Variants in SHISA9 observed in about 807,000 individuals in gnomAD.
SHISA9 encodes shisa family member 9.
Under a neutral mutation model 38.0 loss-of-function variants are expected in SHISA9, and 13 were observed. That is an observed-to-expected ratio of 0.34 (90% CI 0.22 to 0.54). SHISA9 has a LOEUF of 0.54. SHISA9 is among the 20% of genes least tolerant of loss of function. The pLI is 0.91. For synonymous variants in SHISA9, 275 were observed against 242.0 expected (o/e 1.14, Z -1.27); for missense variants, 538 against 575.8 (o/e 0.93, Z 0.67).
chr16:13,029,277 C>T (rs2072962491), intron 2 of SHISA9, among the ~76,000 whole-genome samples: 1 of 152,182 alleles, frequency 6.6e-6, no homozygotes, highest in Non-Finnish European at 1.5e-5. Flanking sequence ...AAATGTGGTA[C>T]ACATACACAA....
chr16:13,515,484 G>T, the SHISA9 span, among the ~76,000 whole-genome samples: 1 of 151,882 alleles, frequency 6.6e-6, no homozygotes, highest in Non-Finnish European at 1.5e-5. Context: ...CTGTTATGTG[G>T]GTACCATTAT....
At chr16:13,041,305 C>G (rs16961007) in intron 2 of SHISA9, among the ~76,000 whole-genome samples, 16,375 of 152,192 alleles carry the variant, frequency 0.11, 1,882 homozygotes, top group African/African-American at 0.28. Context: ...GCCTTGGGCT[C>G]TAGTTTTCAT....
chr16:13,226,283 T>C (rs2051278649), intron 4 of SHISA9, among the ~76,000 whole-genome samples: 1 of 152,190 alleles, frequency 6.6e-6, no homozygotes, highest in African/African-American at 2.4e-5. Context: ...AACCACCTCC[T>C]TGTTGTTGAA....
intron 3 of SHISA9, among the ~76,000 whole-genome samples, chr16:13,211,592 G>A (rs1260820386): frequency 1.3e-5 from 2 of 152,086 alleles, no homozygotes; most frequent in Non-Finnish European, 2.9e-5. Context: ...CACCCTCAAA[G>A]TATTTTTCTA....
chr16:13,440,945 T>C, the SHISA9 span, among the ~76,000 whole-genome samples: 1 of 151,382 alleles, frequency 6.6e-6, no homozygotes, highest in Non-Finnish European at 1.5e-5. Flanking sequence ...AAAAAAGTCA[T>C]TGATATATTC....
chr16:12,979,177 C>G (rs1431051390), intron 2 of SHISA9, among the ~76,000 whole-genome samples: 1 of 152,178 alleles, frequency 6.6e-6, no homozygotes, highest in East Asian at 1.9e-4. Context: ...ATAGCCACAC[C>G]CTCTCTGCTG....
rs74692040 is a variant in SHISA9, at chr16:13,016,114, A to G, written c.691+99299A>G. Reference sequence around the variant, plus strand: ...GCAGTTCTCCTGCCTTAGTTTCCCAAGTAGCTGGAATTACAGGCCTGTGTC... The same window carrying G: ...GCAGTTCTCCTGCCTTAGTTTCCCAGGTAGCTGGAATTACAGGCCTGTGTC... On this transcript the variant is annotated intron_variant, in intron 2 of 4. Transcript: ENST00000558583. Among the ~76,000 whole-genome samples the G allele has an allele frequency of 1.3e-4, 20 of 150,056 alleles. No homozygotes were observed. The East Asian group carries it at 3.4e-3, about 25-fold the overall frequency.
chr16:13,022,411 A>G (rs977655501), intron 2 of SHISA9, among the ~76,000 whole-genome samples: 5 of 151,794 alleles, frequency 3.3e-5, no homozygotes, highest in African/African-American at 1.2e-4. Context: ...GGCTCACTGC[A>G]ACCTCTGCCT....
chr16:13,354,027 A>G, the SHISA9 span, among the ~76,000 whole-genome samples: 2 of 149,436 alleles, frequency 1.3e-5, no homozygotes, highest in Non-Finnish European at 1.5e-5. Flanking sequence ...CAGTGAAAGT[A>G]TCTACCTAGA....
chr16:13,044,673 T>C (rs2073167148), intron 2 of SHISA9, among the ~76,000 whole-genome samples: 1 of 152,140 alleles, frequency 6.6e-6, no homozygotes. Context: ...GCAGAGGCTA[T>C]AGAATGTATG....
the SHISA9 span, among the ~76,000 whole-genome samples, chr16:13,488,013 A>G: frequency 1.3e-5 from 2 of 152,318 alleles, no homozygotes; most frequent in South Asian, 4.1e-4. Flanking sequence ...CAAGGTCAAT[A>G]CTTGAACTTG....
At chr16:13,365,887 C>A in the SHISA9 span, among the ~76,000 whole-genome samples, 1 of 152,028 alleles carries the variant, frequency 6.6e-6, no homozygotes, top group Non-Finnish European at 1.5e-5. Flanking sequence ...TCATGGATGA[C>A]CTATGGATTT....
At chr16:13,425,766 A>G in the SHISA9 span, among the ~76,000 whole-genome samples, 1 of 152,248 alleles carries the variant, frequency 6.6e-6, no homozygotes, top group Admixed American at 6.5e-5. Context: ...GAACTTTGTC[A>G]TTATGGATTT....
intron 2 of SHISA9, among the ~76,000 whole-genome samples, chr16:13,183,778 C>G (rs144245971): frequency 1.3e-5 from 2 of 152,298 alleles, no homozygotes; most frequent in East Asian, 3.9e-4. Context: ...GATCTAATTG[C>G]TCTCTTGGCT....
chr16:13,434,673 G>A, the SHISA9 span, among the ~76,000 whole-genome samples: 4 of 151,940 alleles, frequency 2.6e-5, no homozygotes, highest in Admixed American at 6.6e-5. Flanking sequence ...CCACCTCGGC[G>A]TCCCAAAGTG....
chr16:13,414,375 C>A, the SHISA9 span, among the ~76,000 whole-genome samples: 5 of 152,156 alleles, frequency 3.3e-5, no homozygotes, highest in African/African-American at 7.2e-5. Context: ...TCAGCTCCAG[C>A]AGATGAGTAA....
intron 1 of SHISA9, among the ~76,000 whole-genome samples, chr16:12,912,705 T>G (rs1307850768): frequency 6.6e-6 from 1 of 152,144 alleles, no homozygotes; most frequent in Non-Finnish European, 1.5e-5. Context: ...GAGCCCAAAC[T>G]TTGATTTCAA....
chr16:13,243,560 G>A (rs756700221), downstream of SHISA9, among the ~76,000 whole-genome samples: 1 of 152,086 alleles, frequency 6.6e-6, no homozygotes, highest in Non-Finnish European at 1.5e-5. Context: ...AAGAGGTAGT[G>A]GAGTCCAAAG....
chr16:12,956,648 C>T (rs956246685), intron 2 of SHISA9, among the ~76,000 whole-genome samples: 11 of 152,158 alleles, frequency 7.2e-5, no homozygotes, highest in African/African-American at 2.4e-4. Context: ...ATCATGTTCT[C>T]ACTTGTAAGT....
Sources: gnomAD v4.1 joint callset for allele counts (sites outside exome capture counted in the v4.1 genomes callset) on GRCh38, gnomAD v4.1.1 for gene constraint, MANE v1.5 for transcripts, NCBI Gene and HGNC (gene_info 2026-07-23, HGNC 2026-07-21) for gene names.